ERBB4: variants seen among roughly 807,000 people sequenced by gnomAD.
ERBB4 encodes the protein receptor tyrosine-protein kinase erbB-4.
ERBB4 carries 42 observed loss-of-function variants against 158.0 expected under a neutral mutation model. The observed-to-expected ratio is 0.27, with a 90% CI of 0.21 to 0.34. The LOEUF is 0.34. Among genes scored for constraint, ERBB4 ranks in the 10% least tolerant of loss-of-function variants. The probability of loss-of-function intolerance (pLI) is 1.00; values close to 1 mark genes in which losing one functional copy is unlikely to be tolerated. For missense variants in ERBB4, 1,333 were observed against 1,624.1 expected (o/e 0.82, Z 3.08); for synonymous variants, 583 against 558.7 (o/e 1.04, Z -0.61).
At chr2:211,582,444 C>T (rs879438184) in intron 19 of ERBB4, among the ~76,000 whole-genome samples, 2 of 152,070 alleles carry the variant, frequency 1.3e-5, no homozygotes, top group Admixed American at 1.3e-4. Flanking sequence ...CCTTTAAGAA[C>T]CAGATCAAAC....
intron 3 of ERBB4, among the ~76,000 whole-genome samples, chr2:211,854,014 A>C (rs1333804942): frequency 1.8e-4 from 27 of 152,112 alleles, no homozygotes; most frequent in Admixed American, 1.8e-3. Flanking sequence ...CCATTTGAAC[A>C]TTTACCTCCA....
At chr2:211,846,908 A>C (rs951155906) in intron 3 of ERBB4, among the ~76,000 whole-genome samples, 2 of 152,166 alleles carry the variant, frequency 1.3e-5, no homozygotes, top group African/African-American at 4.8e-5. Context: ...CTTTGAAATA[A>C]AGAGCTGTCC....
chr2:212,411,433 A>G (rs2091496699), intron 1 of ERBB4, among the ~76,000 whole-genome samples: 1 of 152,322 alleles, frequency 6.6e-6, no homozygotes, highest in Admixed American at 6.5e-5. Flanking sequence ...ACATCAAAAT[A>G]ATCAATACAC....
intron 1 of ERBB4, among the ~76,000 whole-genome samples, chr2:212,442,412 C>A (rs1574925668): frequency 6.6e-6 from 1 of 152,212 alleles, no homozygotes; most frequent in South Asian, 2.1e-4. Context: ...TTCTCCCATC[C>A]TTCCCCAAGG....
chr2:211,751,927 C>G (rs145342087), intron 4 of ERBB4, among the ~76,000 whole-genome samples: 2 of 152,260 alleles, frequency 1.3e-5, no homozygotes, highest in East Asian at 3.9e-4. Context: ...TACTTAGGTT[C>G]AATTCCAGTC....
At chr2:212,317,415 G>C (rs2087339638) in intron 1 of ERBB4, among the ~76,000 whole-genome samples, 1 of 151,534 alleles carries the variant, frequency 6.6e-6, no homozygotes, top group African/African-American at 2.4e-5. Flanking sequence ...CACTTGAACA[G>C]CTGGTTAAAA....
chr2:212,435,629 A>G (rs1237595488), intron 1 of ERBB4, among the ~76,000 whole-genome samples: 2 of 151,978 alleles, frequency 1.3e-5, no homozygotes, highest in African/African-American at 4.8e-5. Flanking sequence ...AATAAAGCCA[A>G]TGATAAAAGC....
At chr2:212,111,498 A>G (rs145121351) in intron 2 of ERBB4, among the ~76,000 whole-genome samples, 2 of 152,208 alleles carry the variant, frequency 1.3e-5, no homozygotes, top group South Asian at 2.1e-4. Context: ...GTTGCATCTT[A>G]TCTCTTTCCC....
chr2:212,169,526 A>C (rs779716660), intron 1 of ERBB4, among the ~76,000 whole-genome samples: 2 of 152,140 alleles, frequency 1.3e-5, no homozygotes, highest in Admixed American at 1.3e-4. Flanking sequence ...CAGATTAAAG[A>C]CTTAAATGTA....
At chr2:211,763,965 A>C (rs2106247742) in intron 4 of ERBB4, among the ~76,000 whole-genome samples, 1 of 152,240 alleles carries the variant, frequency 6.6e-6, no homozygotes, top group South Asian at 2.1e-4. Flanking sequence ...TCAAATTAAC[A>C]AATAGGCACA....
chr2:211,742,307 G>A (rs139895613), intron 5 of ERBB4, among the ~76,000 whole-genome samples: 178 of 152,246 alleles, frequency 1.2e-3, no homozygotes, highest in African/African-American at 3.8e-3. Context: ...ATATGTGTAC[G>A]CATGTGTGTG....
chr2:211,725,100 T>C lies in ERBB4; in HGVS notation c.717A>G (p.Ser239=), dbSNP rs1575055291. The C allele has an allele frequency of 1.2e-6, 2 of 1,613,358 alleles. No individual in the cohort carries two copies. Among genetic ancestry groups the C allele is most frequent in the African/African-American group, 1.3e-5 (1 of 75,004 alleles). ...CCHRECAGGC[S]GPKDTDCFAC... is the part of the protein sequence containing the mutation. ...CAAAGCAGTCTGTGTCCTTAGGTCC[T>C]GAGCAGCCTCCAGCACATTCTCGAT... Residue 239 remains serine, a synonymous_variant, in exon 6 of 28, where the codon TCA becomes TCG. Transcript: ENST00000342788.
intron 4 of ERBB4, among the ~76,000 whole-genome samples, chr2:211,765,499 A>T (rs904832452): frequency 5.9e-5 from 9 of 152,200 alleles, no homozygotes; most frequent in African/African-American, 2.2e-4. Flanking sequence ...CTCAGGAAAA[A>T]AAAATCTCTG....
At chr2:212,257,535 A>G (rs1306690187) in intron 1 of ERBB4, among the ~76,000 whole-genome samples, 1 of 152,112 alleles carries the variant, frequency 6.6e-6, no homozygotes, top group African/African-American at 2.4e-5. Flanking sequence ...AAGTGCATTT[A>G]TTTCTGTATT....
Position 211,657,716 on chromosome 2 carries a change from G to A in ERBB4, c.1946+38C>T, listed in dbSNP as rs762862906. On this transcript the variant is annotated intron_variant, in intron 16 of 27. Coordinates refer to ENST00000342788, the MANE Select transcript of ERBB4 (RefSeq NM_005235.3). Reference sequence around the variant, plus strand: ...CTTTTTGTTCATGATAACTAGGAAAGGATTTGAGCGACAAAATGGAAACAT... The same window carrying A: ...CTTTTTGTTCATGATAACTAGGAAAAGATTTGAGCGACAAAATGGAAACAT... 6 of 1,507,902 alleles carry A rather than the reference G, an allele frequency of 4.0e-6. No homozygotes were observed. In the Admixed American group the frequency reaches 5.0e-5, roughly 13 times the overall value. The allele number at this position is 1,507,902 out of a possible 1,614,324, so 93.4% of individuals were successfully genotyped here. A position where few individuals can be genotyped will look rare whatever the true frequency, so the allele number is the denominator to read the frequency against.
intron 1 of ERBB4, among the ~76,000 whole-genome samples, chr2:212,148,031 T>C (rs1378859286): frequency 3.9e-5 from 6 of 152,210 alleles, no homozygotes; most frequent in African/African-American, 1.4e-4. Context: ...GCAGACTTTG[T>C]GTTAAATTTT....
intron 1 of ERBB4, among the ~76,000 whole-genome samples, chr2:212,436,825 T>C (rs995618322): frequency 6.6e-6 from 1 of 152,046 alleles, no homozygotes; most frequent in African/African-American, 2.4e-5. Context: ...TAGACTTAAG[T>C]TAAATGCTTC....
chr2:211,914,649 A>G (rs1263855109), intron 3 of ERBB4, among the ~76,000 whole-genome samples: 2 of 152,128 alleles, frequency 1.3e-5, no homozygotes, highest in African/African-American at 2.4e-5. Context: ...CATGTATAAG[A>G]GTTAAACATA....
At chr2:211,421,545 C>G (rs2063514889) in intron 24 of ERBB4, among the ~76,000 whole-genome samples, 1 of 151,832 alleles carries the variant, frequency 6.6e-6, no homozygotes, top group Admixed American at 6.6e-5. Context: ...GCATATCTCT[C>G]CAAATAAAAC....
Sources: gnomAD v4.1 joint callset for allele counts (sites outside exome capture counted in the v4.1 genomes callset) on GRCh38, gnomAD v4.1.1 for gene constraint, MANE v1.5 for transcripts, NCBI Gene and HGNC (gene_info 2026-07-23, HGNC 2026-07-21) for gene names.